The following ANO3 variants were observed in gnomAD, a reference collection of about 807,000 sequenced individuals.
ANO3 encodes the protein anoctamin 3.
A neutral mutation model predicts 144.8 loss-of-function variants in ANO3; 99 were observed. That is an observed-to-expected ratio of 0.68 (90% CI 0.58 to 0.81). The LOEUF (loss-of-function observed/expected upper bound fraction) is 0.81. ANO3 is among the 30% of genes least tolerant of loss of function. ANO3 has a pLI of 0.00. For synonymous variants in ANO3, 414 were observed against 392.6 expected, an observed-to-expected ratio of 1.05 and a Z score of -0.64; for missense variants, 905 against 1,202.2, an observed-to-expected ratio of 0.75 and a Z score of 3.66.
chr11:26,231,159 G>A (rs1047180702), intron 1 of ANO3, among the ~76,000 whole-genome samples: 45 of 152,198 alleles, frequency 3.0e-4, no homozygotes, highest in African/African-American at 9.1e-4. Context: ...TTACAAGCGT[G>A]AGCCACCACG....
chr11:26,477,482 C>T (rs988560440), intron 4 of ANO3, among the ~76,000 whole-genome samples: 1 of 152,108 alleles, frequency 6.6e-6, no homozygotes, highest in Non-Finnish European at 1.5e-5. Flanking sequence ...TTTTCTCTTT[C>T]TCAAGACAGT....
At chr11:26,657,801 A>G (rs1026868597) in intron 26 of ANO3, among the ~76,000 whole-genome samples, 1 of 152,154 alleles carries the variant, frequency 6.6e-6, no homozygotes, top group African/African-American at 2.4e-5. Flanking sequence ...AGAGCTAGCC[A>G]TGAGATTGAT....
chr11:26,530,799 G>T (rs1849351852), intron 7 of ANO3, among the ~76,000 whole-genome samples: 1 of 152,204 alleles, frequency 6.6e-6, no homozygotes, highest in Non-Finnish European at 1.5e-5. Context: ...AACCTGGGAC[G>T]TGGAGGTTGC....
intron 11 of ANO3, among the ~76,000 whole-genome samples, chr11:26,546,624 G>A (rs1396709067): frequency 1.3e-5 from 2 of 151,944 alleles, no homozygotes; most frequent in Admixed American, 6.6e-5. Flanking sequence ...CTTTAATACC[G>A]GCAGTAGGTT....
chr11:26,525,732 AT>A (rs1452472013), intron 7 of ANO3, 53 bp downstream of exon 7: 1 of 1,410,096 alleles, frequency 7.1e-7, no homozygotes, highest in Non-Finnish European at 9.8e-7. Flanking sequence ...TTTGAAAAAA[AT>A]AAGAAGATAT....
At chr11:26,331,960 A>G (rs1855053906), upstream of ANO3, 2 of 514,736 alleles carry the variant, frequency 3.9e-6, no homozygotes, top group South Asian at 2.4e-5. Context: ...CTCCTCCAGT[A>G]AAGTCTTCTG....
chr11:26,352,899 A>G (rs1855683879), intron 1 of ANO3, among the ~76,000 whole-genome samples: 1 of 152,222 alleles, frequency 6.6e-6, no homozygotes, highest in East Asian at 1.9e-4. Flanking sequence ...TAAGCTTACC[A>G]TATCAGTGGG....
intron 1 of ANO3, among the ~76,000 whole-genome samples, chr11:26,193,040 G>A (rs1022185854): frequency 1.5e-4 from 22 of 151,230 alleles, no homozygotes; most frequent in South Asian, 6.3e-4. Context: ...TTTAAGCCCC[G>A]CATGCATTAG....
At chr11:26,210,623 T>C (rs1480108837) in intron 1 of ANO3, among the ~76,000 whole-genome samples, 1 of 152,176 alleles carries the variant, frequency 6.6e-6, no homozygotes, top group East Asian at 1.9e-4. Context: ...GAGCATGGAA[T>C]GTTTTTGCAT....
At chr11:26,226,410 T>C (rs1223676724) in intron 1 of ANO3, among the ~76,000 whole-genome samples, 1 of 152,130 alleles carries the variant, frequency 6.6e-6, no homozygotes, top group African/African-American at 2.4e-5. Context: ...TTAAAGATTA[T>C]TTCATCCACT....
chr11:26,541,494 A>G (rs924280727), intron 10 of ANO3, among the ~76,000 whole-genome samples: 9 of 152,022 alleles, frequency 5.9e-5, no homozygotes, highest in Admixed American at 1.3e-4. Context: ...GAGGCCTCTT[A>G]TATTTTTTGA....
At chr11:26,362,274 T>C (rs1381181) in intron 1 of ANO3, among the ~76,000 whole-genome samples, 81,004 of 151,986 alleles carry the variant, frequency 0.53, 22,862 homozygotes, top group East Asian at 0.68. Context: ...CTACTCAATG[T>C]TATTTTGCTT....
At chr11:26,289,809 T>C (rs2133852688) in intron 1 of ANO3, among the ~76,000 whole-genome samples, 1 of 150,976 alleles carries the variant, frequency 6.6e-6, no homozygotes, top group Non-Finnish European at 1.5e-5. Flanking sequence ...TGTGTGTGTA[T>C]ATATGTATAA....
intron 6 of ANO3, among the ~76,000 whole-genome samples, chr11:26,524,419 A>G (rs545072278): frequency 1.3e-5 from 2 of 152,156 alleles, no homozygotes; most frequent in Non-Finnish European, 2.9e-5. Flanking sequence ...AGGGACTGCA[A>G]TGAAATATGG....
At chr11:26,462,078 T>A (rs781464752) in intron 3 of ANO3, among the ~76,000 whole-genome samples, 16 of 152,002 alleles carry the variant, frequency 1.1e-4, no homozygotes, top group Non-Finnish European at 2.2e-4. Flanking sequence ...TATTATGTTT[T>A]AATAGTTTTT....
chr11:26,511,304 A>G (rs56070600), intron 5 of ANO3, among the ~76,000 whole-genome samples: 13,705 of 152,196 alleles, frequency 0.09, 863 homozygotes, highest in Admixed American at 0.14. Flanking sequence ...GAGTTGGGAG[A>G]TTTTTATATC....
chr11:26,314,621 A>G (rs1171335201), intron 1 of ANO3, among the ~76,000 whole-genome samples: 2 of 152,096 alleles, frequency 1.3e-5, no homozygotes, highest in South Asian at 2.1e-4. Flanking sequence ...TCTTCTGTAT[A>G]TTAGTTTCTA....
chr11:26,570,019 G>A (rs528798586), intron 14 of ANO3, among the ~76,000 whole-genome samples: 2 of 152,002 alleles, frequency 1.3e-5, no homozygotes, highest in East Asian at 1.9e-4. Context: ...TCACAAACTC[G>A]AAAACCTTCT....
chr11:26,374,174 T>C, intron 1 of ANO3, among the ~76,000 whole-genome samples: 1 of 152,238 alleles, frequency 6.6e-6, no homozygotes, highest in Non-Finnish European at 1.5e-5. Flanking sequence ...ACTGTCTTAA[T>C]ATCTATATTC....
Sources: allele counts gnomAD v4.1 joint callset (sites outside exome capture counted in the v4.1 genomes callset), GRCh38; gene constraint gnomAD v4.1.1; transcripts MANE v1.5; gene names NCBI Gene and HGNC (gene_info 2026-07-23, HGNC 2026-07-21).